ACAT1: variants seen among roughly 807,000 people sequenced by gnomAD.
ACAT1 encodes the protein acetyl-CoA acetyltransferase 1.
In ACAT1, 28 loss-of-function variants were observed where a neutral mutation model predicts 47.3. That is an observed-to-expected ratio of 0.59 (90% CI 0.44 to 0.81). The LOEUF is 0.81. Ranked by LOEUF, ACAT1 falls within the 30% of genes least tolerant of loss-of-function variation. The pLI is 0.00. For synonymous variants in ACAT1, 181 were observed against 173.6 expected, an observed-to-expected ratio of 1.04 and a Z score of -0.34; for missense variants, 469 against 524.3, an observed-to-expected ratio of 0.89 and a Z score of 1.03.
chr11:108,127,264 G>GC (rs2077268769), intron 1 of ACAT1, among the ~76,000 whole-genome samples: 1 of 146,668 alleles, frequency 6.8e-6, no homozygotes, highest in African/African-American at 2.6e-5. Flanking sequence ...GCACATAGAA[G>GC]CCTTTTTTTT....
intron 1 of ACAT1, among the ~76,000 whole-genome samples, chr11:108,124,519 A>G (rs954575767): frequency 6.6e-6 from 1 of 151,998 alleles, no homozygotes; most frequent in Non-Finnish European, 1.5e-5. Context: ...TCCACCTCTG[A>G]TGATCTGCCC....
At chr11:108,127,911 T>G (rs1423426508) in intron 1 of ACAT1, 1 of 152,374 alleles carries the variant, frequency 6.6e-6, no homozygotes, top group Non-Finnish European at 1.5e-5. Context: ...GGCTCACGCC[T>G]GTAATCCCAG....
At chr11:108,122,325 CAAAG>C (rs534107737) in intron 1 of ACAT1, among the ~76,000 whole-genome samples, 1 of 152,240 alleles carries the variant, frequency 6.6e-6, no homozygotes, top group Non-Finnish European at 1.5e-5. Context: ...GGCAGAGTCT[CAAAG>C]AATTTATTCT....
chr11:108,133,746 T>C, intron 2 of ACAT1, 74 bp from the exon 3 acceptor site: 3 of 1,217,478 alleles, frequency 2.5e-6, no homozygotes, highest in East Asian at 2.4e-5. Context: ...TTTTTGATAA[T>C]ATATTTATGT....
intron 5 of ACAT1, chr11:108,136,089 C>G: frequency 1.4e-6 from 1 of 700,848 alleles, no homozygotes; most frequent in South Asian, 1.6e-5. Context: ...GAGACAGGCT[C>G]CTTAGCAAAA....
At chr11:108,120,826 A>T (rs1365448923), upstream of ACAT1, among the ~76,000 whole-genome samples, 1 of 152,010 alleles carries the variant, frequency 6.6e-6, no homozygotes. Flanking sequence ...TGAGAGGCTG[A>T]GTCTGGCCGT....
Position 108,131,927 on chromosome 11 carries a change from G to A in ACAT1, c.93G>A (p.Arg31=). 1 of 1,490,612 alleles carries A rather than the reference G, an allele frequency of 6.7e-7. No individual in the cohort carries two copies. The highest frequency in any genetic ancestry group is 9.3e-7 in the Non-Finnish European group (1 of 1,075,796). The allele number at this position is 1,490,612 out of a possible 1,614,324, so 92.3% of individuals were successfully genotyped here. Residue 31 remains arginine, a synonymous_variant, in exon 2 of 12, where the codon CGG becomes CGA. Coordinates refer to ENST00000265838, the MANE Select transcript of ACAT1 (RefSeq NM_000019.4). ...TACAGGAAATAAGATATGTGGAACG[G>A]AGTTATGTATCAAAACCCACTTTGA... ...RLVQEIRYVE[R]SYVSKPTLKE...
chr11:108,146,779 C>T lies in ACAT1; in HGVS notation c.1163+420C>T, dbSNP rs182525390. Among the ~76,000 whole-genome samples, 4 of 152,262 alleles carry T rather than the reference C, an allele frequency of 2.6e-5. No homozygotes were observed. The East Asian group carries it at 7.7e-4, about 29-fold the overall frequency. On this transcript the variant is annotated intron_variant, in intron 11 of 11. Transcript: ENST00000265838. The stretch of plus-strand genomic sequence containing the variant: ...CTTCTATCCATTATACTGTTCTGTA[C>T]TTTTAAAAGATCTGTGACCTGGCCA...
intron 5 of ACAT1, chr11:108,136,158 G>T (rs2077464527): frequency 3.3e-6 from 2 of 615,136 alleles, no homozygotes; most frequent in African/African-American, 1.9e-5. Flanking sequence ...GATTCTCTCA[G>T]ATCTGAGCCC....
chr11:108,143,960 C>CA, intron 9 of ACAT1, 23 bp from the exon 10 acceptor site: 1 of 916,702 alleles, frequency 1.1e-6, no homozygotes, highest in South Asian at 1.5e-5. Flanking sequence ...TTTAACAACC[C>CA]CCCCCCCCCT....
chr11:108,130,954 A>T (rs2077345665), intron 1 of ACAT1, among the ~76,000 whole-genome samples: 3 of 152,072 alleles, frequency 2.0e-5, no homozygotes, highest in Admixed American at 2.0e-4. Flanking sequence ...TTTTTCGCCA[A>T]GTTGGCCAGG....
rs771696290 is a variant in ACAT1, at chr11:108,142,620, T to A, written c.940+70T>A. The stretch of plus-strand genomic sequence containing the variant: ...CGGAGGTTGAGGTGGGAGGATTGCT[T>A]GAGCCCCGGAGTTCGAAATCAGCCT... On this transcript the variant is annotated intron_variant, in intron 9 of 11. Coordinates refer to ENST00000265838, the MANE Select transcript of ACAT1 (RefSeq NM_000019.4). 9.9e-5 allele frequency: 129 copies of A among 1,303,468 alleles called. 1 individual carries two copies. The highest frequency in any genetic ancestry group is 1.3e-4 in the Non-Finnish European group (117 of 904,766). The allele number at this position is 1,303,468 out of a possible 1,614,324, so 80.7% of individuals were successfully genotyped here.
At chr11:108,144,714 A>G (rs1275542355) in intron 10 of ACAT1, among the ~76,000 whole-genome samples, 1 of 152,208 alleles carries the variant, frequency 6.6e-6, no homozygotes, top group Non-Finnish European at 1.5e-5. Flanking sequence ...ATGAAAAAAA[A>G]AACTGCAGAA....
chr11:108,141,531 G>A (rs2077585970), intron 7 of ACAT1, 74 bp from the exon 8 acceptor site: 4 of 1,066,972 alleles, frequency 3.7e-6, no homozygotes, highest in African/African-American at 3.1e-5. Context: ...AGACTACTAG[G>A]CATCTTGTAC....
rs1307700575 is a variant in ACAT1, at chr11:108,141,272, C to T, written c.731-333C>T. ...TGGTGGCTCCCACCTGTAGTCCCAG[C>T]TACTTGGGAGGCTGAGGTGGGAGGA... On this transcript the variant is annotated intron_variant, in intron 7 of 11. Transcript: ENST00000265838. 2.7e-5 allele frequency among the ~76,000 whole-genome samples: 4 copies of T among 146,666 alleles called. No homozygotes were observed. In the East Asian group the frequency reaches 8.6e-4, roughly 31 times the overall value.
At chr11:108,142,611 A>G in intron 9 of ACAT1, 61 bp downstream of exon 9, 10 of 1,375,392 alleles carry the variant, frequency 7.3e-6, no homozygotes, top group Non-Finnish European at 9.3e-6. Flanking sequence ...TTGAGGTGGG[A>G]GGATTGCTTG....
chr11:108,146,106 A>ATAAC (rs1287692964), intron 10 of ACAT1, 96 bp from the exon 11 acceptor site: 22 of 1,131,030 alleles, frequency 1.9e-5, no homozygotes, highest in Middle Eastern at 2.9e-4. Flanking sequence ...CCATATTTAA[A>ATAAC]TAACTTATGT....
chr11:108,141,120 A>G (rs149821600), intron 7 of ACAT1, among the ~76,000 whole-genome samples: 2,323 of 152,058 alleles, frequency 0.015, 29 homozygotes, highest in Middle Eastern at 0.088. Context: ...CCCAGCTACT[A>G]GGGAATCCAA....
chr11:108,120,441 A>G (rs568182224), upstream of ACAT1, among the ~76,000 whole-genome samples: 1 of 152,130 alleles, frequency 6.6e-6, no homozygotes, highest in East Asian at 1.9e-4. Context: ...CTTGGGAGGC[A>G]GAGACAGGAG....
Sources: gnomAD v4.1 joint callset for allele counts (sites outside exome capture counted in the v4.1 genomes callset) on GRCh38, gnomAD v4.1.1 for gene constraint, MANE v1.5 for transcripts, NCBI Gene and HGNC (gene_info 2026-07-23, HGNC 2026-07-21) for gene names.